SLC14A2: variants seen among roughly 807,000 people sequenced by gnomAD.
SLC14A2 encodes solute carrier family 14 member 2.
In SLC14A2, 91 loss-of-function variants were observed where a neutral mutation model predicts 104.6. The observed-to-expected ratio is 0.87, with a 90% CI of 0.73 to 1.04. The LOEUF (loss-of-function observed/expected upper bound fraction) is 1.04, where lower values mean the gene tolerates loss of function less well. Among genes scored for constraint, SLC14A2 ranks in the 50% least tolerant of loss-of-function variants. The probability of loss-of-function intolerance (pLI) is 0.00; values close to 1 mark genes in which losing one functional copy is unlikely to be tolerated. For synonymous variants in SLC14A2, 476 were observed against 466.4 expected, an observed-to-expected ratio of 1.02 and a Z score of -0.27; for missense variants, 1,189 against 1,156.0, an observed-to-expected ratio of 1.03 and a Z score of -0.41.
At chr18:45,340,797 G>T (rs1306751119) in intron 1 of SLC14A2, among the ~76,000 whole-genome samples, 1 of 152,188 alleles carries the variant, frequency 6.6e-6, no homozygotes, top group Non-Finnish European at 1.5e-5. Context: ...GAAACCTTGA[G>T]TTCTGGTTCC....
intron 2 of SLC14A2, among the ~76,000 whole-genome samples, chr18:45,568,976 T>C (rs931239490): frequency 6.6e-6 from 1 of 152,236 alleles, no homozygotes; most frequent in Non-Finnish European, 1.5e-5. Flanking sequence ...TGTTATGGAC[T>C]GAGAGCATTT....
At chr18:45,678,053 A>C (rs1449398817) in intron 18 of SLC14A2, among the ~76,000 whole-genome samples, 1 of 152,164 alleles carries the variant, frequency 6.6e-6, no homozygotes, top group East Asian at 1.9e-4. Context: ...TCCTGGGCTC[A>C]AGTGATCCTC....
intron 1 of SLC14A2, among the ~76,000 whole-genome samples, chr18:45,411,365 T>G (rs1313719019): frequency 1.3e-5 from 2 of 152,216 alleles, no homozygotes; most frequent in African/African-American, 4.8e-5. Context: ...CAACTCAGTC[T>G]TAGGACACAA....
At chr18:45,428,027 T>C (rs1336715367) in intron 1 of SLC14A2, among the ~76,000 whole-genome samples, 1 of 152,164 alleles carries the variant, frequency 6.6e-6, no homozygotes, top group Non-Finnish European at 1.5e-5. Context: ...AAGAAAGAGT[T>C]CACTGTTTAT....
At chr18:45,299,079 C>T (rs868192097) in intron 1 of SLC14A2, among the ~76,000 whole-genome samples, 13 of 152,086 alleles carry the variant, frequency 8.5e-5, no homozygotes, top group South Asian at 2.1e-4. Context: ...ATTAGGAATT[C>T]GGTAAGAAAG....
At chr18:45,395,960 A>C (rs1432282560) in intron 1 of SLC14A2, among the ~76,000 whole-genome samples, 5 of 152,126 alleles carry the variant, frequency 3.3e-5, no homozygotes, top group Non-Finnish European at 7.4e-5. Context: ...AAATCAATGC[A>C]ATGGTCTTCA....
rs576584794 is a variant in SLC14A2, at chr18:45,521,797, A to C, written c.-35+38475A>C. ...GAATCTCTGGAGCTGGCCCTCATAA[A>C]TGCATTTGTTCTAAACAGCCAAGTG... On this transcript the variant is annotated intron_variant, in intron 2 of 20. Transcript: ENST00000586448. 5.9e-5 allele frequency among the ~76,000 whole-genome samples: 9 copies of C among 152,214 alleles called. No individual in the cohort carries two copies. In the South Asian group the frequency reaches 1.7e-3, roughly 28 times the overall value.
chr18:45,275,920 A>G, intron 1 of SLC14A2, among the ~76,000 whole-genome samples: 1 of 152,256 alleles, frequency 6.6e-6, no homozygotes, highest in Non-Finnish European at 1.5e-5. Flanking sequence ...GCAGGTTAAA[A>G]CAGAGAATTA....
At chr18:45,370,257 C>T (rs527719890) in intron 1 of SLC14A2, among the ~76,000 whole-genome samples, 4 of 152,256 alleles carry the variant, frequency 2.6e-5, no homozygotes, top group African/African-American at 9.6e-5. Flanking sequence ...TTCAACCACC[C>T]CTCAGAGTTT....
the SLC14A2 span, among the ~76,000 whole-genome samples, chr18:45,192,301 A>G: frequency 6.6e-6 from 1 of 152,220 alleles, no homozygotes; most frequent in Non-Finnish European, 1.5e-5. Flanking sequence ...TACTTAAAGA[A>G]TACAATTTGA....
intron 2 of SLC14A2, among the ~76,000 whole-genome samples, chr18:45,532,053 G>A (rs1363643597): frequency 1.3e-5 from 2 of 152,114 alleles, no homozygotes; most frequent in Admixed American, 6.5e-5. Flanking sequence ...CTGTTCCATT[G>A]GTCTATATCT....
chr18:45,494,158 TG>T (rs960231032), intron 2 of SLC14A2, among the ~76,000 whole-genome samples: 1 of 152,224 alleles, frequency 6.6e-6, no homozygotes, highest in Non-Finnish European at 1.5e-5. Flanking sequence ...AGGCAAGAAT[TG>T]GGTGACCATT....
At chr18:45,517,479 G>T (rs967275092) in intron 2 of SLC14A2, among the ~76,000 whole-genome samples, 1 of 152,144 alleles carries the variant, frequency 6.6e-6, no homozygotes, top group African/African-American at 2.4e-5. Context: ...GGAATTAAAA[G>T]GTCTAGAGTG....
chr18:45,527,349 A>AT (rs1207838310), intron 2 of SLC14A2, among the ~76,000 whole-genome samples: 4 of 152,136 alleles, frequency 2.6e-5, no homozygotes, highest in Admixed American at 6.6e-5. Flanking sequence ...TTATGATCCC[A>AT]TTTTTTATCT....
intron 1 of SLC14A2, among the ~76,000 whole-genome samples, chr18:45,390,050 G>A (rs569583362): frequency 9.2e-5 from 14 of 152,286 alleles, no homozygotes; most frequent in South Asian, 8.3e-4. Context: ...TTAAAATCTC[G>A]TTGGTATTTG....
At chr18:45,589,182 C>T (rs895035281) in intron 2 of SLC14A2, among the ~76,000 whole-genome samples, 3 of 151,032 alleles carry the variant, frequency 2.0e-5, no homozygotes, top group Non-Finnish European at 4.4e-5. Context: ...CATGTGCTTC[C>T]AATTAAGCCT....
intron 2 of SLC14A2, among the ~76,000 whole-genome samples, chr18:45,489,258 C>T (rs187066011): frequency 4.6e-5 from 7 of 152,256 alleles, no homozygotes; most frequent in East Asian, 1.9e-4. Context: ...TACTTATAAT[C>T]CCAGCACTTT....
At chr18:45,596,249 G>T (rs1214712249) in intron 2 of SLC14A2, among the ~76,000 whole-genome samples, 1 of 152,198 alleles carries the variant, frequency 6.6e-6, no homozygotes, top group Non-Finnish European at 1.5e-5. Context: ...AATACTATTG[G>T]AAGCAGTGGA....
At chr18:45,575,611 A>T (rs2044407395) in intron 2 of SLC14A2, among the ~76,000 whole-genome samples, 2 of 152,152 alleles carry the variant, frequency 1.3e-5, no homozygotes, top group Non-Finnish European at 2.9e-5. Flanking sequence ...TTTAAAGAAC[A>T]CCGCATTTTG....
Sources: gnomAD v4.1 joint callset for allele counts (sites outside exome capture counted in the v4.1 genomes callset) on GRCh38, gnomAD v4.1.1 for gene constraint, MANE v1.5 for transcripts, NCBI Gene and HGNC (gene_info 2026-07-23, HGNC 2026-07-21) for gene names.